Variants in PRKAR1B observed in about 807,000 individuals in gnomAD.
The protein encoded by PRKAR1B is cAMP-dependent protein kinase type I-beta regulatory subunit.
A neutral mutation model predicts 46.5 loss-of-function variants in PRKAR1B; 22 were observed. That is an observed-to-expected ratio of 0.47 (90% CI 0.34 to 0.68). PRKAR1B has a LOEUF of 0.68. Ranked by LOEUF, PRKAR1B falls within the 30% of genes least tolerant of loss-of-function variation. The pLI is 0.01. For missense variants in PRKAR1B, 445 were observed against 535.6 expected, an observed-to-expected ratio of 0.83 and a Z score of 1.67; for synonymous variants, 259 against 217.7, an observed-to-expected ratio of 1.19 and a Z score of -1.67.
chr7:556,994 C>T (rs913151108), intron 9 of PRKAR1B, among the ~76,000 whole-genome samples: 1 of 152,204 alleles, frequency 6.6e-6, no homozygotes, highest in East Asian at 1.9e-4. Flanking sequence ...CTCCCACAGC[C>T]GACCCCCACC....
intron 1 of PRKAR1B, among the ~76,000 whole-genome samples, chr7:725,941 T>C (rs925941236): frequency 6.6e-6 from 1 of 152,146 alleles, no homozygotes; most frequent in African/African-American, 2.4e-5. Flanking sequence ...CATGGTTTCA[T>C]CTCCAACCCG....
At chr7:611,320 T>C (rs746162804) in intron 4 of PRKAR1B, among the ~76,000 whole-genome samples, 3 of 152,144 alleles carry the variant, frequency 2.0e-5, no homozygotes, top group Non-Finnish European at 4.4e-5. Context: ...AAGCTGGGGA[T>C]TGAGGGCCTG....
intron 2 of PRKAR1B, among the ~76,000 whole-genome samples, chr7:695,439 G>A (rs539521065): frequency 2.0e-5 from 3 of 152,266 alleles, no homozygotes; most frequent in Non-Finnish European, 4.4e-5. Flanking sequence ...CGGTCAGGAA[G>A]GGGTCAGTGG....
intron 9 of PRKAR1B, among the ~76,000 whole-genome samples, chr7:553,007 G>C (rs1386837064): frequency 1.3e-5 from 2 of 152,268 alleles, no homozygotes; most frequent in Non-Finnish European, 2.9e-5. Context: ...GCTACGCACA[G>C]ATGCAGCCTG....
chr7:661,038 G>A (rs1232734403), intron 4 of PRKAR1B, among the ~76,000 whole-genome samples: 6 of 17,258 alleles, frequency 3.5e-4, no homozygotes, highest in Admixed American at 3.4e-3. Flanking sequence ...CCACCCCAAC[G>A]GATCCAAATA....
intron 4 of PRKAR1B, among the ~76,000 whole-genome samples, chr7:613,863 C>A (rs1460448979): frequency 2.0e-5 from 3 of 152,364 alleles, no homozygotes; most frequent in East Asian, 3.9e-4. Context: ...AGAAACCCCT[C>A]CCCAGCCTGC....
Position 577,040 on chromosome 7 carries a change from C to CCATCCAACTCCATCAA in PRKAR1B, c.891+2215_891+2216insTTGATGGAGTTGGATG, listed in dbSNP as rs1779885603. ...GCCTCACCCAACGCCATCAGCGGCC[C>CCATCCAACTCCATCAA]CGTCCAACTCCATCAGTCACCTCAC... is the stretch of plus-strand genomic sequence containing the variant. On this transcript the variant is annotated intron_variant, in intron 9 of 10. Transcript: ENST00000537384. Among the ~76,000 whole-genome samples the CCATCCAACTCCATCAA allele has an allele frequency of 2.9e-5, 4 of 136,742 alleles. No individual in the cohort carries two copies. The East Asian group carries it at 8.6e-4, about 30-fold the overall frequency. The allele number at this position is 136,742 out of a possible 152,430, so 89.7% of individuals were successfully genotyped here.
intron 9 of PRKAR1B, among the ~76,000 whole-genome samples, chr7:564,579 G>A (rs1482943007): frequency 6.6e-6 from 1 of 152,234 alleles, no homozygotes; most frequent in Non-Finnish European, 1.5e-5. Flanking sequence ...CAGCCACAGT[G>A]ACACCTCTGT....
intron 4 of PRKAR1B, among the ~76,000 whole-genome samples, chr7:641,928 G>C (rs1021720819): frequency 1.3e-5 from 2 of 151,796 alleles, no homozygotes; most frequent in East Asian, 3.9e-4. Context: ...TTTTGAGACA[G>C]GGTCTCACTC....
At chr7:702,516 A>G (rs1358490710) in intron 2 of PRKAR1B, among the ~76,000 whole-genome samples, 3 of 152,168 alleles carry the variant, frequency 2.0e-5, no homozygotes, top group Non-Finnish European at 2.9e-5. Flanking sequence ...GACAAACTCA[A>G]AGAAAATCAT....
chr7:626,883 T>G (rs1783431507), intron 4 of PRKAR1B, among the ~76,000 whole-genome samples: 1 of 151,376 alleles, frequency 6.6e-6, no homozygotes, highest in South Asian at 2.1e-4. Flanking sequence ...TAATTTTTAT[T>G]TATTTATTTA....
intron 4 of PRKAR1B, 40 bp downstream of exon 4, chr7:677,189 G>A: frequency 1.9e-6 from 3 of 1,598,788 alleles, no homozygotes; most frequent in Non-Finnish European, 2.6e-6. Context: ...AGGCCGAGGA[G>A]GGCGGCGGTG....
At chr7:654,635 A>G (rs927333664) in intron 4 of PRKAR1B, among the ~76,000 whole-genome samples, 1 of 151,234 alleles carries the variant, frequency 6.6e-6, no homozygotes, top group Non-Finnish European at 1.5e-5. Context: ...CACCTTCATC[A>G]TCACCATCAT....
At chr7:639,300 T>G (rs1298424996) in intron 4 of PRKAR1B, among the ~76,000 whole-genome samples, 2 of 152,114 alleles carry the variant, frequency 1.3e-5, no homozygotes, top group Non-Finnish European at 2.9e-5. Context: ...GTCAACTGAT[T>G]TCCAACCAGG....
chr7:681,599 G>A (rs921250771), intron 2 of PRKAR1B, among the ~76,000 whole-genome samples: 10 of 152,178 alleles, frequency 6.6e-5, no homozygotes, highest in African/African-American at 2.4e-4. Flanking sequence ...TGGGAGGAGG[G>A]GACTGGAAGT....
At chr7:699,659 A>G (rs1779957776) in intron 2 of PRKAR1B, among the ~76,000 whole-genome samples, 1 of 152,188 alleles carries the variant, frequency 6.6e-6, no homozygotes, top group Non-Finnish European at 1.5e-5. Flanking sequence ...GTGGCCCTAA[A>G]GCAAGTGCTG....
chr7:573,871 C>T (rs761575743), intron 9 of PRKAR1B, among the ~76,000 whole-genome samples: 47 of 152,314 alleles, frequency 3.1e-4, no homozygotes, highest in Middle Eastern at 3.4e-3. Flanking sequence ...CACACCTGTC[C>T]TCAGCCGATG....
At chr7:673,920 CCCT>C (rs755483476) in intron 4 of PRKAR1B, among the ~76,000 whole-genome samples, 6 of 152,216 alleles carry the variant, frequency 3.9e-5, no homozygotes, top group Non-Finnish European at 8.8e-5. Context: ...GTGGCTGCGG[CCCT>C]CCTCGGCGTG....
At chr7:724,636 C>T (rs1179243826) in intron 1 of PRKAR1B, among the ~76,000 whole-genome samples, 1 of 152,192 alleles carries the variant, frequency 6.6e-6, no homozygotes, top group Non-Finnish European at 1.5e-5. Flanking sequence ...CTTCATATTT[C>T]ACCTCTGCTA....
Sources: allele counts gnomAD v4.1 joint callset (sites outside exome capture counted in the v4.1 genomes callset), GRCh38; gene constraint gnomAD v4.1.1; transcripts MANE v1.5; gene names NCBI Gene and HGNC (gene_info 2026-07-23, HGNC 2026-07-21).